The following SPOCK2 variants were observed in gnomAD, a reference collection of about 807,000 sequenced individuals.
SPOCK2 encodes the protein SPARC (osteonectin), cwcv and kazal like domains proteoglycan 2.
SPOCK2 carries 39 observed loss-of-function variants against 60.1 expected under a neutral mutation model. The ratio of observed to expected loss-of-function variants is 0.65; its 90% confidence interval spans 0.50 to 0.85. The LOEUF is 0.85. SPOCK2 is among the 40% of genes least tolerant of loss of function. SPOCK2 has a pLI of 0.00. For missense variants in SPOCK2, 523 were observed against 567.4 expected (o/e 0.92, Z 0.80); for synonymous variants, 217 against 231.5 (o/e 0.94, Z 0.57).
At chr10:72,080,989 CG>C (rs2131821810) in intron 1 of SPOCK2, among the ~76,000 whole-genome samples, 1 of 152,178 alleles carries the variant, frequency 6.6e-6, no homozygotes, top group East Asian at 1.9e-4. Context: ...GTGAGGGGCC[CG>C]GGGCTATGTT....
At chr10:72,072,327 G>C in intron 3 of SPOCK2, 69 bp from the exon 4 acceptor site, 1 of 1,460,590 alleles carries the variant, frequency 6.8e-7, no homozygotes. Flanking sequence ...CCACTTCTGA[G>C]CTGGGAGGCC....
At chr10:72,064,077 C>G in intron 9 of SPOCK2, 101 bp downstream of exon 9, 1 of 1,459,814 alleles carries the variant, frequency 6.9e-7, no homozygotes, top group Admixed American at 2.0e-5. Context: ...CCTCTGGGCT[C>G]CATGTCTGCC....
intron 1 of SPOCK2, among the ~76,000 whole-genome samples, chr10:72,080,728 A>T (rs1454701691): frequency 1.3e-5 from 2 of 151,858 alleles, no homozygotes; most frequent in Non-Finnish European, 2.9e-5. Flanking sequence ...CATCTAGAAG[A>T]CTCTGGCCTC....
intron 1 of SPOCK2, among the ~76,000 whole-genome samples, chr10:72,076,011 A>G (rs1306567269): frequency 6.6e-6 from 1 of 152,168 alleles, no homozygotes; most frequent in Non-Finnish European, 1.5e-5. Flanking sequence ...AGCACTTAAC[A>G]AATCAAAGCT....
intron 6 of SPOCK2, 97 bp from the exon 7 acceptor site, chr10:72,067,829 C>A (rs950384831): frequency 1.9e-4 from 284 of 1,522,768 alleles, no homozygotes; most frequent in Non-Finnish European, 2.4e-4. Context: ...GGAGGCTGGG[C>A]AGGGGTCCGG....
intron 8 of SPOCK2, among the ~76,000 whole-genome samples, chr10:72,066,577 T>C (rs1678626): frequency 0.47 from 70,616 of 150,056 alleles, 17,188 homozygotes; most frequent in Non-Finnish European, 0.55. Context: ...CTGGGTCACA[T>C]GATCCTCCCA....
chr10:72,076,659 T>C (rs1040162403), intron 1 of SPOCK2, among the ~76,000 whole-genome samples: 1 of 152,228 alleles, frequency 6.6e-6, no homozygotes, highest in Admixed American at 6.5e-5. Flanking sequence ...GCTCAGGCAG[T>C]CCTCCTGCCT....
chr10:72,084,401 G>C (rs999721486), intron 1 of SPOCK2, among the ~76,000 whole-genome samples: 1 of 152,234 alleles, frequency 6.6e-6, no homozygotes, highest in African/African-American at 2.4e-5. Flanking sequence ...ACCCAGGCCA[G>C]AGCTGTCCCA....
Position 72,088,131 on chromosome 10 carries a change from C to T in SPOCK2, c.189+9G>A, listed in dbSNP as rs763361762. 6.2e-7 allele frequency: 1 copy of T among 1,611,582 alleles called. No homozygotes were observed. The highest frequency in any genetic ancestry group is 1.1e-5 in the South Asian group (1 of 91,024). ...CCGGGTCTCTGCCTTGGCAGCCCTG[C>T]GGACTCACGTCTCGGAAGCGGTTCC... On this transcript the variant is annotated intron_variant, in intron 1 of 10. Transcript: ENST00000373109.
At chr10:72,079,025 T>C (rs1840751418) in intron 1 of SPOCK2, among the ~76,000 whole-genome samples, 1 of 152,264 alleles carries the variant, frequency 6.6e-6, no homozygotes, top group African/African-American at 2.4e-5. Context: ...GCAAGCATTA[T>C]GCTAAACACT....
In SPOCK2 at chr10:72,088,299, C is replaced by A; in HGVS notation, c.30G>T (p.Val10=). 1 of 1,592,212 alleles carries A rather than the reference C, an allele frequency of 6.3e-7. No individual in the cohort carries two copies. The highest frequency in any genetic ancestry group is 8.5e-7 in the Non-Finnish European group (1 of 1,171,304). ...CCGCGGCCAGGAGCAGCAGCGGCAG[C>A]ACCAGCCGCCCGCAGCCCGGGGCGC... MRAPGCGRL[V]LPLLLLAAAA... Residue 10 remains valine, a synonymous_variant, in exon 1 of 11, where the codon GTG becomes GTT. Coordinates refer to ENST00000373109, the MANE Select transcript of SPOCK2 (RefSeq NM_001244950.2).
At chr10:72,083,915 C>G (rs992808470) in intron 1 of SPOCK2, among the ~76,000 whole-genome samples, 12 of 152,194 alleles carry the variant, frequency 7.9e-5, no homozygotes, top group African/African-American at 2.7e-4. Context: ...GACGTCGGCG[C>G]AGCGCATCCC....
chr10:72,071,341 G>A (rs138145175), intron 4 of SPOCK2, among the ~76,000 whole-genome samples: 7 of 152,104 alleles, frequency 4.6e-5, no homozygotes, highest in South Asian at 2.1e-4. Context: ...AGGCACAAGC[G>A]ACCATGCCCA....
intron 2 of SPOCK2, 122 bp downstream of exon 2, chr10:72,072,780 T>C: frequency 6.8e-7 from 1 of 1,473,670 alleles, no homozygotes; most frequent in South Asian, 1.2e-5. Flanking sequence ...TCCTGATTGC[T>C]CCCATGCCAC....
rs769721415 is a variant in SPOCK2 at position 72,062,882 on chromosome 10, C to T, written c.1153G>A (p.Asp385Asn). The change falls in exon 11 of 11, where the codon GAC (aspartate) becomes AAC (asparagine). Residue 385 changes from aspartate to asparagine, a missense_variant. By Grantham distance (23) the Asp-to-Asn change is conservative (BLOSUM62 1). Coordinates refer to ENST00000373109, the MANE Select transcript of SPOCK2 (RefSeq NM_001244950.2). This position sits in a 1 kb window ranked among gnomAD's most constrained non-coding sequence, Gnocchi z 4.3. Reference sequence around the variant, plus strand: ...TCCCAGCCGACACCGCTTCCAAAGTCCCCCGAGAAGCCCACGATGTCATCT... The same window carrying T: ...TCCCAGCCGACACCGCTTCCAAAGTTCCCCGAGAAGCCCACGATGTCATCT... ...DCDDIVGFSG[D>N]FGSGVGWEDE... 1.3e-5 allele frequency: 21 copies of T among 1,599,936 alleles called. No individual in the cohort carries two copies. In the East Asian group the frequency reaches 4.7e-4, roughly 36 times the overall value.
chr10:72,062,872 C>T lies in SPOCK2; in HGVS notation c.1163G>A (p.Ser388Asn). ...CTCCTCATCCTCCCAGCCGACACCGCTTCCAAAGTCCCCCGAGAAGCCCAC... is the reference window on the plus strand; with the variant it reads ...CTCCTCATCCTCCCAGCCGACACCGTTTCCAAAGTCCCCCGAGAAGCCCAC... ...DIVGFSGDFG[S>N]GVGWEDEEEK... Residue 388 changes from serine to asparagine, a missense_variant, in exon 11 of 11, where the codon AGC becomes AAC. Physicochemically the swap from Ser to Asn is conservative, Grantham distance 46 (BLOSUM62 1). Transcript: ENST00000373109. The surrounding 1 kb of genome is among the most constrained non-coding windows in gnomAD (Gnocchi z 4.3). 6.2e-7 allele frequency: 1 copy of T among 1,601,928 alleles called. No individual in the cohort carries two copies. Among genetic ancestry groups the T allele is most frequent in the Non-Finnish European group, 8.5e-7 (1 of 1,175,812 alleles).
chr10:72,079,065 A>G (rs1840751724), intron 1 of SPOCK2, among the ~76,000 whole-genome samples: 1 of 152,198 alleles, frequency 6.6e-6, no homozygotes, highest in South Asian at 2.1e-4. Context: ...TCCTCTTCAC[A>G]ACAGCTCTAA....
At chr10:72,063,191 G>C (rs983483404) in intron 9 of SPOCK2, 29 bp from the exon 10 acceptor site, 7 of 1,553,668 alleles carry the variant, frequency 4.5e-6, no homozygotes, top group Non-Finnish European at 6.1e-6. Flanking sequence ...GGCAGGGTCA[G>C]AGCAGGGGCC....
chr10:72,064,465 G>A (rs1840541226), intron 8 of SPOCK2, among the ~76,000 whole-genome samples: 1 of 152,200 alleles, frequency 6.6e-6, no homozygotes, highest in African/African-American at 2.4e-5. Context: ...TGGATGACCT[G>A]AGGTCCCCAA....
Sources: allele counts gnomAD v4.1 joint callset (sites outside exome capture counted in the v4.1 genomes callset), GRCh38; gene constraint gnomAD v4.1.1; non-coding constraint Gnocchi (gnomAD v3.1); transcripts MANE v1.5; gene names NCBI Gene and HGNC (gene_info 2026-07-23, HGNC 2026-07-21).